Variants in RGL1 observed in about 807,000 individuals in gnomAD.
RGL1 encodes the protein ral guanine nucleotide dissociation stimulator-like 1.
A neutral mutation model predicts 95.2 loss-of-function variants in RGL1; 24 were observed. The observed-to-expected ratio is 0.25, with a 90% CI of 0.18 to 0.35. The LOEUF is 0.35. RGL1 is among the 10% of genes least tolerant of loss of function. The pLI is 1.00. For synonymous variants in RGL1, 329 were observed against 344.9 expected (o/e 0.95, Z 0.51); for missense variants, 715 against 936.3 (o/e 0.76, Z 3.08).
intron 2 of RGL1, among the ~76,000 whole-genome samples, chr1:183,797,706 T>C (rs1192665340): frequency 2.0e-5 from 3 of 152,170 alleles, no homozygotes; most frequent in African/African-American, 7.2e-5. Context: ...CTCTTTACCC[T>C]TTGCAAAGGA....
chr1:183,798,878 CTT>C (rs35765152), intron 2 of RGL1, among the ~76,000 whole-genome samples: 2,500 of 88,216 alleles, frequency 0.028, 61 homozygotes, highest in African/African-American at 0.11. Context: ...GCAGGATTTC[CTT>C]TTTTTTTTTT....
intron 10 of RGL1, among the ~76,000 whole-genome samples, chr1:183,898,923 A>G (rs1667860140): frequency 6.6e-6 from 1 of 152,188 alleles, no homozygotes; most frequent in Admixed American, 6.5e-5. Flanking sequence ...CAAAATTTCC[A>G]GAATTGGCTT....
chr1:183,701,747 GCCAATGTGGTGAAACC>G lies in RGL1; in HGVS notation c.-32-40375_-32-40360del, dbSNP rs1302159257. ...AGGTCAGGAGTTCGAGACTAGCCTGGCCAATGTGGTGAAACCCCATCTCCACTAAAAATAGAAAAAT... is the reference window on the plus strand; with the variant it reads ...AGGTCAGGAGTTCGAGACTAGCCTGGCCATCTCCACTAAAAATAGAAAAAT... On this transcript the variant is annotated intron_variant, in intron 1 of 18. Transcript: ENST00000304685. Among the ~76,000 whole-genome samples, 20 of 152,202 alleles carry G rather than the reference GCCAATGTGGTGAAACC, an allele frequency of 1.3e-4. No individual in the cohort carries two copies. The East Asian group carries it at 3.5e-3, about 26-fold the overall frequency.
At chr1:183,672,611 T>C (rs1572256766) in intron 1 of RGL1, among the ~76,000 whole-genome samples, 2 of 152,210 alleles carry the variant, frequency 1.3e-5, no homozygotes, top group African/African-American at 4.8e-5. Flanking sequence ...TTAACCTACT[T>C]AAGGGGTTTT....
chr1:183,811,384 T>C (rs1243223027), intron 2 of RGL1, among the ~76,000 whole-genome samples: 3 of 152,182 alleles, frequency 2.0e-5, no homozygotes, highest in Non-Finnish European at 2.9e-5. Context: ...TTTAGAATTG[T>C]AAGGAGATAA....
At chr1:183,700,040 C>T (rs1654488888) in intron 1 of RGL1, among the ~76,000 whole-genome samples, 1 of 152,302 alleles carries the variant, frequency 6.6e-6, no homozygotes, top group Admixed American at 6.5e-5. Flanking sequence ...CCAGACCAAG[C>T]CTTCCCGTAT....
intron 14 of RGL1, among the ~76,000 whole-genome samples, chr1:183,909,403 A>C (rs1668521932): frequency 6.6e-6 from 1 of 152,164 alleles, no homozygotes; most frequent in African/African-American, 2.4e-5. Flanking sequence ...ACCTTACTGA[A>C]TTGTAGAAAT....
At chr1:183,640,736 G>A (rs957061465) in intron 1 of RGL1, among the ~76,000 whole-genome samples, 2 of 151,950 alleles carry the variant, frequency 1.3e-5, no homozygotes, top group Admixed American at 6.5e-5. Context: ...TAATATTTGA[G>A]GTAATGATAA....
At chr1:183,882,648 T>C (rs1558269144) in intron 5 of RGL1, among the ~76,000 whole-genome samples, 1 of 152,174 alleles carries the variant, frequency 6.6e-6, no homozygotes, top group Non-Finnish European at 1.5e-5. Context: ...CATCTGGAAC[T>C]TCAAGTCCAG....
intron 1 of RGL1, among the ~76,000 whole-genome samples, chr1:183,702,351 G>A (rs1426577733): frequency 2.0e-5 from 3 of 152,144 alleles, no homozygotes; most frequent in Non-Finnish European, 2.9e-5. Flanking sequence ...AGTGGGAGGT[G>A]GTGATGGGAC....
intron 1 of RGL1, among the ~76,000 whole-genome samples, chr1:183,664,545 CACTCTA>C (rs968907730): frequency 2.7e-5 from 4 of 150,334 alleles, no homozygotes; most frequent in East Asian, 2.0e-4. Flanking sequence ...AAACCCAGAG[CACTCTA>C]ACTCTAACTC....
At chr1:183,690,358 G>A (rs1199196529) in intron 1 of RGL1, among the ~76,000 whole-genome samples, 2 of 152,096 alleles carry the variant, frequency 1.3e-5, no homozygotes, top group Non-Finnish European at 1.5e-5. Context: ...AGAATGTTAC[G>A]TTTTGTAGTT....
chr1:183,914,893 C>A (rs901852721), intron 15 of RGL1, among the ~76,000 whole-genome samples: 2 of 152,102 alleles, frequency 1.3e-5, no homozygotes, highest in African/African-American at 4.8e-5. Context: ...AAATGCACCC[C>A]CTTAACTAAT....
intron 1 of RGL1, among the ~76,000 whole-genome samples, chr1:183,673,821 A>T (rs1652642088): frequency 6.6e-6 from 1 of 152,166 alleles, no homozygotes; most frequent in Admixed American, 6.5e-5. Context: ...CCAAGTGTGA[A>T]CTTGCTGTGT....
chr1:183,771,289 T>C (rs1428004164), intron 2 of RGL1, among the ~76,000 whole-genome samples: 2 of 151,258 alleles, frequency 1.3e-5, no homozygotes, highest in Admixed American at 1.3e-4. Flanking sequence ...CCAGTGGAAT[T>C]TAGTAAACAA....
intron 1 of RGL1, among the ~76,000 whole-genome samples, chr1:183,669,426 G>C (rs1212223609): frequency 1.3e-5 from 2 of 151,700 alleles, no homozygotes; most frequent in Admixed American, 6.6e-5. Context: ...TTCCATTAAA[G>C]TCCTTAGCAT....
At chr1:183,921,710 C>T (rs903688164) in intron 16 of RGL1, among the ~76,000 whole-genome samples, 9 of 152,096 alleles carry the variant, frequency 5.9e-5, no homozygotes, top group Non-Finnish European at 1.0e-4. Flanking sequence ...CTTTTGTGGA[C>T]GTATGTTTTT....
intron 2 of RGL1, among the ~76,000 whole-genome samples, chr1:183,770,938 C>T (rs966196371): frequency 6.6e-6 from 1 of 152,174 alleles, no homozygotes; most frequent in Non-Finnish European, 1.5e-5. Context: ...CTCATCTCTA[C>T]TCCCTCCCTC....
intron 1 of RGL1, among the ~76,000 whole-genome samples, chr1:183,678,175 T>C (rs947656781): frequency 6.6e-6 from 1 of 152,176 alleles, no homozygotes; most frequent in South Asian, 2.1e-4. Flanking sequence ...TTGCTTTTCC[T>C]CATACGAATG....
Sources: gnomAD v4.1 joint callset for allele counts (sites outside exome capture counted in the v4.1 genomes callset) on GRCh38, gnomAD v4.1.1 for gene constraint, MANE v1.5 for transcripts, NCBI Gene and HGNC (gene_info 2026-07-23, HGNC 2026-07-21) for gene names.